TSGA10: variants seen among roughly 807,000 people sequenced by gnomAD.
The protein encoded by TSGA10 is testis specific 10.
Under a neutral mutation model 96.6 loss-of-function variants are expected in TSGA10, and 43 were observed. The ratio of observed to expected loss-of-function variants is 0.44; its 90% CI spans 0.35 to 0.57. The LOEUF (loss-of-function observed/expected upper bound fraction) is 0.57, where lower values mean the gene tolerates loss of function less well. Among genes scored for constraint, TSGA10 ranks in the 20% least tolerant of loss-of-function variants. The probability of loss-of-function intolerance (pLI) is 0.01; values close to 1 mark genes in which losing one functional copy is unlikely to be tolerated. For synonymous variants in TSGA10, 229 were observed against 269.9 expected (o/e 0.85, Z 1.48); for missense variants, 703 against 834.4 (o/e 0.84, Z 1.94).
intron 20 of TSGA10, among the ~76,000 whole-genome samples, chr2:99,015,660 A>G (rs1055587297): frequency 6.6e-6 from 1 of 152,178 alleles, no homozygotes; most frequent in Non-Finnish European, 1.5e-5. Context: ...GCGATCACAC[A>G]AGAGAAACAA....
chr2:99,056,818 A>AG (rs771429623), intron 16 of TSGA10, among the ~76,000 whole-genome samples: 1 of 136,632 alleles, frequency 7.3e-6, no homozygotes, highest in Non-Finnish European at 1.5e-5. Flanking sequence ...AAATCCTTCA[A>AG]AAAAAAAAAA....
chr2:99,117,645 G>C lies in TSGA10; in HGVS notation c.-241C>G, dbSNP rs2092348824. 1.0e-6 allele frequency: 1 copy of C among 985,766 alleles called. No homozygotes were observed. The allele number at this position is 985,766 out of a possible 1,614,324, so 61.1% of individuals were successfully genotyped here. Reference sequence around the variant, plus strand: ...TCAATTTTAATCAATTCTTTACAAAGATGCTCATTGTGGCTGGTTAAATCA... The same window carrying C: ...TCAATTTTAATCAATTCTTTACAAACATGCTCATTGTGGCTGGTTAAATCA... On this transcript the variant is annotated 5_prime_UTR_variant, in exon 4 of 21. It adds an upstream start codon to the 5' untranslated region. Transcript: ENST00000393483.
intron 2 of TSGA10, 95 bp from the exon 3 acceptor site, chr2:99,118,781 CCTCAGGGAA>C: frequency 2.2e-6 from 1 of 449,990 alleles, no homozygotes. Flanking sequence ...AGATACCTGC[CCTCAGGGAA>C]CTCTTTGTTT....
chr2:99,030,198 T>C (rs12477978), intron 17 of TSGA10, among the ~76,000 whole-genome samples: 54,912 of 151,612 alleles, frequency 0.36, 11,173 homozygotes, highest in African/African-American at 0.56. Context: ...TACACAAAAA[T>C]TAGCTGGGTG....
rs184302996 is a variant in TSGA10 at position 99,071,916 on chromosome 2, C to T, written c.939-42G>A. 68 of 1,533,674 alleles carry T rather than the reference C, an allele frequency of 4.4e-5. 1 individual carries two copies. The Admixed American group carries it at 1.3e-3, about 30-fold the overall frequency. Reference sequence around the variant, plus strand: ...AGAGTACATAAGAAGAGACATTTTACTGAAACAGAGCAACAAATTCTCACA... The same window carrying T: ...AGAGTACATAAGAAGAGACATTTTATTGAAACAGAGCAACAAATTCTCACA... On this transcript the variant is annotated intron_variant, in intron 13 of 20. Coordinates refer to ENST00000393483, the MANE Select transcript of TSGA10 (RefSeq NM_025244.4).
intron 10 of TSGA10, among the ~76,000 whole-genome samples, chr2:99,093,902 T>A (rs1481569258): frequency 6.6e-6 from 1 of 151,706 alleles, no homozygotes; most frequent in East Asian, 1.9e-4. Context: ...GAAAAGACAA[T>A]CCCAAAATTC....
rs1401526266 is a variant in TSGA10 at position 99,008,870 on chromosome 2, A to C, written c.2072+9330T>G. The stretch of plus-strand genomic sequence containing the variant: ...GGACTAAGGAGAATCTCTATGAATC[A>C]ATATGGAGAGATTTCCAGGAGATAG... On this transcript the variant is annotated intron_variant, in intron 20 of 20. Transcript: ENST00000393483. 3.3e-5 allele frequency among the ~76,000 whole-genome samples: 5 copies of C among 152,338 alleles called. No homozygotes were observed. In the East Asian group the frequency reaches 9.6e-4, roughly 29 times the overall value.
At chr2:99,067,968 G>A (rs1445286094) in intron 15 of TSGA10, among the ~76,000 whole-genome samples, 10 of 152,094 alleles carry the variant, frequency 6.6e-5, no homozygotes, top group Non-Finnish European at 8.8e-5. Flanking sequence ...TGTTCTTCCC[G>A]ATTACAGATG....
intron 1 of TSGA10, among the ~76,000 whole-genome samples, chr2:99,132,420 C>T (rs550103592): frequency 7.9e-5 from 12 of 151,842 alleles, no homozygotes; most frequent in South Asian, 6.2e-4. Context: ...TGTGTAGAGA[C>T]GTTTATAGTA....
At chr2:99,117,941 TTAAA>T (rs2092363816) in intron 3 of TSGA10, among the ~76,000 whole-genome samples, 182 bp from the exon 4 acceptor site, 1 of 152,170 alleles carries the variant, frequency 6.6e-6, no homozygotes. Context: ...AAAAAATATA[TTAAA>T]TAAACATTTT....
At chr2:99,108,806 T>C (rs375928015) in intron 7 of TSGA10, 27 bp downstream of exon 7, 59 of 1,477,514 alleles carry the variant, frequency 4.0e-5, no homozygotes, top group Non-Finnish European at 5.0e-5. Flanking sequence ...TGTTATTACT[T>C]ATATAATTTG....
At chr2:99,013,611 G>A (rs183414524) in intron 20 of TSGA10, among the ~76,000 whole-genome samples, 57 of 151,894 alleles carry the variant, frequency 3.8e-4, no homozygotes, top group African/African-American at 8.7e-4. Flanking sequence ...GATTACAGGC[G>A]TGAGCCACCG....
chr2:99,036,226 G>C (rs183871489), intron 16 of TSGA10, among the ~76,000 whole-genome samples: 26 of 152,116 alleles, frequency 1.7e-4, no homozygotes, highest in Admixed American at 5.9e-4. Flanking sequence ...ACTAGAATTT[G>C]CTCCCATTAT....
At position 99,100,992 on chromosome 2, in the gene TSGA10, G is replaced by A. The variant is rs1211600755; in HGVS notation, c.611+2975C>T. ...AAAAAGCATAAATTAGGCTGGGCGC[G>A]GTGGCTCACGCCTGTAATCCCAGCA... On this transcript the variant is annotated intron_variant, in intron 10 of 20. Coordinates refer to ENST00000393483, the MANE Select transcript of TSGA10 (RefSeq NM_025244.4). Among the ~76,000 whole-genome samples the A allele has an allele frequency of 3.4e-5, 5 of 148,494 alleles. No homozygotes were observed. In the East Asian group the frequency reaches 6.0e-4, roughly 18 times the overall value.
At chr2:99,040,205 G>C (rs2082056225) in intron 16 of TSGA10, among the ~76,000 whole-genome samples, 1 of 152,074 alleles carries the variant, frequency 6.6e-6, no homozygotes, top group Admixed American at 6.5e-5. Flanking sequence ...CTAAGAACTA[G>C]AACAAGACAA....
intron 10 of TSGA10, among the ~76,000 whole-genome samples, chr2:99,085,545 G>C (rs910747398): frequency 6.9e-6 from 1 of 145,746 alleles, no homozygotes. Context: ...AGAGGTCAAG[G>C]CTGCAGTGAG....
chr2:99,125,742 A>G lies in TSGA10; in HGVS notation c.-492+1306T>C, dbSNP rs533594652. The G allele has an allele frequency of 2.6e-5, 4 of 152,318 alleles. No individual in the cohort carries two copies. The East Asian group carries it at 5.8e-4, about 22-fold the overall frequency. 9.4% of individuals were successfully genotyped at this position (152,318 alleles called of 1,614,324 possible). On this transcript the variant is annotated intron_variant, in intron 2 of 20. Coordinates refer to ENST00000393483, the MANE Select transcript of TSGA10 (RefSeq NM_025244.4). Reference sequence around the variant, plus strand: ...CAGTTCCTCTACTTGGCATCTGTTGATATCTGGAAAGGGTGGTGTTCCTAG... The same window carrying G: ...CAGTTCCTCTACTTGGCATCTGTTGGTATCTGGAAAGGGTGGTGTTCCTAG...
At chr2:99,046,747 A>G (rs1273789493) in intron 16 of TSGA10, among the ~76,000 whole-genome samples, 1 of 152,210 alleles carries the variant, frequency 6.6e-6, no homozygotes, top group African/African-American at 2.4e-5. Flanking sequence ...GGATATAGAG[A>G]CACAAAAAAC....
At chr2:99,100,819 C>T (rs376370834) in intron 10 of TSGA10, among the ~76,000 whole-genome samples, 1 of 69,728 alleles carries the variant, frequency 1.4e-5, no homozygotes, top group East Asian at 3.6e-4. Context: ...GACTCCGTCT[C>T]AAAAAAAAAA....
Sources: allele counts gnomAD v4.1 joint callset (sites outside exome capture counted in the v4.1 genomes callset), GRCh38; gene constraint gnomAD v4.1.1; transcripts MANE v1.5; gene names NCBI Gene and HGNC (gene_info 2026-07-23, HGNC 2026-07-21).